RAPGEF4: variants seen among roughly 807,000 people sequenced by gnomAD.
RAPGEF4 encodes the protein Rap guanine nucleotide exchange factor 4.
In RAPGEF4, 66 loss-of-function variants were observed where a neutral mutation model predicts 147.9. The ratio of observed to expected loss-of-function variants is 0.45; its 90% CI spans 0.37 to 0.55. RAPGEF4 has a LOEUF of 0.55. RAPGEF4 is among the 20% of genes least tolerant of loss of function. The pLI is 0.00. For synonymous variants in RAPGEF4, 419 were observed against 442.7 expected, an observed-to-expected ratio of 0.95 and a Z score of 0.67; for missense variants, 1,071 against 1,257.3, an observed-to-expected ratio of 0.85 and a Z score of 2.24.
intron 23 of RAPGEF4, 89 bp from the exon 24 acceptor site, chr2:173,026,483 C>A: frequency 7.2e-7 from 1 of 1,381,792 alleles, no homozygotes; most frequent in Non-Finnish European, 9.8e-7. Flanking sequence ...TCTCCAGAAT[C>A]CTTTCCCCTC....
chr2:173,045,849 G>A (rs1396682531), intron 29 of RAPGEF4, among the ~76,000 whole-genome samples: 1 of 152,186 alleles, frequency 6.6e-6, no homozygotes, highest in African/African-American at 2.4e-5. Flanking sequence ...CTCTGGAGAT[G>A]GTTCAAGGAG....
At chr2:172,973,447 T>G (rs1266897188) in intron 10 of RAPGEF4, among the ~76,000 whole-genome samples, 1 of 152,170 alleles carries the variant, frequency 6.6e-6, no homozygotes, top group African/African-American at 2.4e-5. Context: ...AAATAATATT[T>G]TAATACTCTT....
chr2:172,746,022 T>C lies in RAPGEF4; in HGVS notation c.65+9974T>C, dbSNP rs1326988320. ...GAAAGATTGTAGTATATTTTAGAAA[T>C]AGATGGATTGTGTTTCTTACTGAAA... On this transcript the variant is annotated intron_variant, in intron 1 of 30. Transcript: ENST00000397081. Among the ~76,000 whole-genome samples, 123 of 152,360 alleles carry C rather than the reference T, an allele frequency of 8.1e-4. 3 individuals carry two copies. Among genetic ancestry groups the C allele is most frequent in the Non-Finnish European group, 4.4e-5 (3 of 68,032 alleles).
At chr2:172,771,722 G>A (rs1358501864) in intron 1 of RAPGEF4, among the ~76,000 whole-genome samples, 2 of 152,018 alleles carry the variant, frequency 1.3e-5, no homozygotes, top group Non-Finnish European at 2.9e-5. Context: ...TAGTATTACA[G>A]ATGTACACCA....
chr2:172,820,247 G>T (rs1688939828), intron 4 of RAPGEF4, among the ~76,000 whole-genome samples: 1 of 152,182 alleles, frequency 6.6e-6, no homozygotes, highest in Admixed American at 6.5e-5. Flanking sequence ...CTTCTGAGAG[G>T]CCCTTGAACT....
intron 11 of RAPGEF4, among the ~76,000 whole-genome samples, chr2:172,984,555 A>C (rs184599342): frequency 1.4e-3 from 220 of 152,300 alleles, no homozygotes; most frequent in African/African-American, 5.1e-3. Context: ...TGGACTACCC[A>C]GGGAAGTGGT....
chr2:172,904,799 TC>T lies in RAPGEF4; in HGVS notation c.445-12999del, dbSNP rs567672235. On this transcript the variant is annotated intron_variant, in intron 4 of 30. Coordinates refer to ENST00000397081, the MANE Select transcript of RAPGEF4 (RefSeq NM_007023.4). ...TGAGGTGCCACATCTAGGCCTGTCC[TC>T]CCCTTCAGCACCTAATACCTTCCTT... Among the ~76,000 whole-genome samples the T allele has an allele frequency of 1.3e-4, 20 of 151,928 alleles. No individual in the cohort carries two copies. In the South Asian group the frequency reaches 4.2e-3, roughly 32 times the overall value.
At chr2:172,762,782 A>G (rs1235094909) in intron 1 of RAPGEF4, among the ~76,000 whole-genome samples, 2 of 152,308 alleles carry the variant, frequency 1.3e-5, no homozygotes, top group East Asian at 3.9e-4. Context: ...ACATCTTTGC[A>G]TTTACATGGA....
At chr2:172,854,014 G>T (rs574793317) in intron 4 of RAPGEF4, among the ~76,000 whole-genome samples, 1 of 151,778 alleles carries the variant, frequency 6.6e-6, no homozygotes, top group Non-Finnish European at 1.5e-5. Context: ...ATTTACCAAG[G>T]TATTCCTATC....
chr2:172,962,248 CT>C (rs1689370630), intron 8 of RAPGEF4, among the ~76,000 whole-genome samples: 1 of 152,194 alleles, frequency 6.6e-6, no homozygotes, highest in African/African-American at 2.4e-5. Flanking sequence ...CAGTGAGACT[CT>C]CTTTCCCATT....
intron 6 of RAPGEF4, among the ~76,000 whole-genome samples, chr2:172,957,554 C>T (rs893806608): frequency 6.6e-6 from 1 of 152,228 alleles, no homozygotes; most frequent in African/African-American, 2.4e-5. Context: ...GGTATATTGC[C>T]TAACTGAATA....
intron 1 of RAPGEF4, among the ~76,000 whole-genome samples, chr2:172,788,870 G>A (rs1685515947): frequency 1.3e-5 from 2 of 151,904 alleles, no homozygotes; most frequent in Non-Finnish European, 2.9e-5. Flanking sequence ...ATCCAGCCTG[G>A]GTGACAGAGT....
chr2:173,035,011 A>G (rs6735942), intron 27 of RAPGEF4, among the ~76,000 whole-genome samples: 7,893 of 151,948 alleles, frequency 0.052, 233 homozygotes, highest in Admixed American at 0.084. Flanking sequence ...TTGGGGCACT[A>G]ACACCTCCAC....
intron 4 of RAPGEF4, among the ~76,000 whole-genome samples, chr2:172,857,352 A>G (rs1448519559): frequency 6.6e-6 from 1 of 152,154 alleles, no homozygotes; most frequent in Non-Finnish European, 1.5e-5. Context: ...AGTCTACAAA[A>G]TATTCTGGAA....
At chr2:172,798,259 C>G (rs990915435) in intron 3 of RAPGEF4, among the ~76,000 whole-genome samples, 2 of 150,552 alleles carry the variant, frequency 1.3e-5, no homozygotes, top group Non-Finnish European at 1.5e-5. Context: ...ATTAAAAAAA[C>G]GAAAACAAAA....
chr2:172,994,664 G>A (rs894879010), intron 15 of RAPGEF4, among the ~76,000 whole-genome samples: 3 of 152,180 alleles, frequency 2.0e-5, no homozygotes, highest in Non-Finnish European at 4.4e-5. Flanking sequence ...CATCTGGTGA[G>A]TGCTATCAAA....
At chr2:172,790,971 A>G (rs985214657) in intron 1 of RAPGEF4, among the ~76,000 whole-genome samples, 5 of 152,238 alleles carry the variant, frequency 3.3e-5, no homozygotes, top group Admixed American at 2.0e-4. Flanking sequence ...GAAGTCCAGT[A>G]TCAAGGTGCC....
intron 4 of RAPGEF4, among the ~76,000 whole-genome samples, chr2:172,912,804 T>A (rs1009319444): frequency 4.6e-5 from 7 of 151,968 alleles, no homozygotes; most frequent in African/African-American, 1.4e-4. Context: ...TCCACATTCC[T>A]GCAGGCATCA....
intron 4 of RAPGEF4, among the ~76,000 whole-genome samples, chr2:172,885,626 T>C (rs971812281): frequency 1.3e-5 from 2 of 152,192 alleles, no homozygotes; most frequent in African/African-American, 4.8e-5. Flanking sequence ...GAAAGGGGTT[T>C]CCGCTTACAA....
Sources: allele counts gnomAD v4.1 joint callset (sites outside exome capture counted in the v4.1 genomes callset), GRCh38; gene constraint gnomAD v4.1.1; transcripts MANE v1.5; gene names NCBI Gene and HGNC (gene_info 2026-07-23, HGNC 2026-07-21).